The following YTHDC1 variants were observed in gnomAD, a reference collection of about 807,000 sequenced individuals.
YTHDC1 encodes YTH domain-containing protein 1.
In YTHDC1, 12 loss-of-function variants were observed where a neutral mutation model predicts 107.0. The observed-to-expected ratio is 0.11, with a 90% CI of 0.07 to 0.18. The LOEUF is 0.18. Among genes scored for constraint, YTHDC1 ranks in the 10% least tolerant of loss-of-function variants. YTHDC1 has a pLI of 1.00. For synonymous variants in YTHDC1, 280 were observed against 289.5 expected (o/e 0.97, Z 0.33); for missense variants, 635 against 898.8 (o/e 0.71, Z 3.75).
Position 68,312,120 on chromosome 4 carries a change from C to T in YTHDC1, c.*1979G>A, listed in dbSNP as rs974086405. The T allele has an allele frequency of 1.3e-5, 2 of 152,168 alleles. No homozygotes were observed. The highest frequency in any genetic ancestry group is 4.8e-5 in the African/African-American group (2 of 41,440). The allele number at this position is 152,168 out of a possible 1,614,324, so 9.4% of individuals were successfully genotyped here. On this transcript the variant is annotated 3_prime_UTR_variant, in exon 17 of 17. Coordinates refer to ENST00000344157, the MANE Select transcript of YTHDC1 (RefSeq NM_001031732.4). ...TGGGCGACAGACTCCATCTCCAAAA[C>T]ATTTATTAATTTATATACTGTTTTT...
At position 68,337,256 on chromosome 4, in the gene YTHDC1, ATCT is replaced by A. The variant is rs762100570; in HGVS notation, c.651_653del (p.Glu217del). 55 of 1,598,884 alleles carry A rather than the reference ATCT, an allele frequency of 3.4e-5. No homozygotes were observed. The highest frequency in any genetic ancestry group is 3.3e-4 in the Middle Eastern group (2 of 6,062). On this transcript the variant is annotated inframe_deletion, in exon 4 of 17. Transcript: ENST00000344157. Reference sequence around the variant, plus strand: ...CATCCACCTCTTCATCTTCTTCTGCATCTTCTTCTACTTCTTCATCTTCCTCCA... The same window carrying A: ...CATCCACCTCTTCATCTTCTTCTGCATCTTCTACTTCTTCATCTTCCTCCA...
At position 68,337,289 on chromosome 4, in the gene YTHDC1, T is replaced by A; in HGVS notation, c.621A>T (p.Glu207Asp). The A allele has an allele frequency of 6.2e-7, 1 of 1,613,376 alleles. No individual in the cohort carries two copies. The highest frequency in any genetic ancestry group is 2.2e-5 in the East Asian group (1 of 44,866). ...CTACTTCTTCATCTTCCTCCACATC[T>A]TCTTCCACTCCTTCCTCCTCATTCT... The part of the protein sequence containing the change: ...NTENEEEGVE[E>D]DVEEDEEVEE... Residue 207 changes from glutamate to aspartate, a missense_variant, in exon 4 of 17, where the codon GAA becomes GAT. Physicochemically the swap from Glu to Asp is conservative, Grantham distance 45. Coordinates refer to ENST00000344157, the MANE Select transcript of YTHDC1 (RefSeq NM_001031732.4).
At chr4:68,327,810 AT>A (rs1382580548) in intron 9 of YTHDC1, among the ~76,000 whole-genome samples, 1 of 152,194 alleles carries the variant, frequency 6.6e-6, no homozygotes, top group Non-Finnish European at 1.5e-5. Flanking sequence ...ATCTAAGGAA[AT>A]ATCAATGTTA....
chr4:68,341,642 T>C (rs1724813140), intron 1 of YTHDC1, among the ~76,000 whole-genome samples: 1 of 151,998 alleles, frequency 6.6e-6, no homozygotes, highest in South Asian at 2.1e-4. Flanking sequence ...ACAAAGTCTA[T>C]TTGGCCCTTT....
chr4:68,313,942 A>C lies in YTHDC1; in HGVS notation c.*157T>G. The C allele has an allele frequency of 1.3e-6, 1 of 780,802 alleles. No homozygotes were observed. The highest frequency in any genetic ancestry group is 2.1e-6 in the Non-Finnish European group (1 of 485,968). 48.4% of individuals were successfully genotyped at this position (780,802 alleles called of 1,614,324 possible). The stretch of plus-strand genomic sequence containing the variant: ...TTTGAGTTTTTCCAGTTCTTATGAT[A>C]CTGCATGCTTGGAACAAAGGGGGTC... On this transcript the variant is annotated 3_prime_UTR_variant, in exon 17 of 17. Transcript: ENST00000344157.
chr4:68,342,999 C>A (rs938927315), intron 1 of YTHDC1, among the ~76,000 whole-genome samples: 8 of 152,032 alleles, frequency 5.3e-5, no homozygotes, highest in Non-Finnish European at 1.2e-4. Context: ...TCAATTACTT[C>A]ATAATAGTTT....
chr4:68,329,074 C>A (rs1283610374), intron 9 of YTHDC1, among the ~76,000 whole-genome samples: 1 of 152,076 alleles, frequency 6.6e-6, no homozygotes, highest in Non-Finnish European at 1.5e-5. Context: ...TATATCACTC[C>A]CTCTATCTTC....
intron 1 of YTHDC1, among the ~76,000 whole-genome samples, chr4:68,338,865 C>CAA (rs1724513730): frequency 6.6e-6 from 1 of 152,170 alleles, no homozygotes; most frequent in Non-Finnish European, 1.5e-5. Flanking sequence ...CACACACACA[C>CAA]AAACAGAAGT....
At chr4:68,334,760 G>A (rs377634213) in intron 4 of YTHDC1, among the ~76,000 whole-genome samples, 2 of 151,964 alleles carry the variant, frequency 1.3e-5, no homozygotes, top group African/African-American at 4.8e-5. Flanking sequence ...GCAGTTGCTC[G>A]TGCCTGTAAT....
intron 15 of YTHDC1, among the ~76,000 whole-genome samples, chr4:68,316,962 G>C (rs148868001): frequency 2.1e-3 from 319 of 152,306 alleles, no homozygotes; most frequent in African/African-American, 7.1e-3. Flanking sequence ...GCCTGGTGTG[G>C]TGGCTCACGC....
Position 68,346,099 on chromosome 4 carries a change from A to ATATATATATATATG in YTHDC1, c.28+3626_28+3627insCATATATATATATA, listed in dbSNP as rs961023477. 6.2e-3 allele frequency among the ~76,000 whole-genome samples: 874 copies of ATATATATATATATG among 141,422 alleles called. 11 individuals carry two copies. The highest frequency in any genetic ancestry group is 0.023 in the African/African-American group (838 of 36,768). 92.8% of individuals were successfully genotyped at this position (141,422 alleles called of 152,430 possible). A position where few individuals can be genotyped will look rare whatever the true frequency, so the allele number is the denominator to read the frequency against. ...TGTACATATATATATATATATATATATACACACACACCTGCATGTAACCGT... is the reference window on the plus strand; with the variant it reads ...TGTACATATATATATATATATATATATATATATATATATGTACACACACACCTGCATGTAACCGT... On this transcript the variant is annotated intron_variant, in intron 1 of 16. Transcript: ENST00000344157.
intron 1 of YTHDC1, among the ~76,000 whole-genome samples, chr4:68,345,569 C>T (rs966505577): frequency 7.4e-6 from 1 of 134,470 alleles, no homozygotes; most frequent in African/African-American, 2.8e-5. Context: ...AGTTTAAAAA[C>T]TTGGATTTCC....
chr4:68,338,460 G>A, intron 1 of YTHDC1, 76 bp from the exon 2 acceptor site: 1 of 1,049,036 alleles, frequency 9.5e-7, no homozygotes, highest in Non-Finnish European at 1.4e-6. Flanking sequence ...TACTAAGTGT[G>A]AGGCCACAAG....
chr4:68,314,063 T>C lies in YTHDC1; in HGVS notation c.*36A>G, dbSNP rs538932785. On this transcript the variant is annotated 3_prime_UTR_variant, in exon 17 of 17. Coordinates refer to ENST00000344157, the MANE Select transcript of YTHDC1 (RefSeq NM_001031732.4). Reference sequence around the variant, plus strand: ...ACACAAAAAAAAAATACAAGATTTTTTGTATCTTTAAACAATCAGTGCTTC... The same window carrying C: ...ACACAAAAAAAAAATACAAGATTTTCTGTATCTTTAAACAATCAGTGCTTC... The C allele has an allele frequency of 7.6e-6, 12 of 1,586,918 alleles. No homozygotes were observed. In the South Asian group the frequency reaches 1.4e-4, roughly 18 times the overall value.
chr4:68,337,928 A>AAAG (rs964845210), intron 2 of YTHDC1, 28 bp from the exon 3 acceptor site: 1 of 1,582,000 alleles, frequency 6.3e-7, no homozygotes, highest in Non-Finnish European at 8.5e-7. Flanking sequence ...AAAAAAAAAA[A>AAAG]AAGAAGTATT....
intron 9 of YTHDC1, 106 bp downstream of exon 9, chr4:68,329,896 G>T: frequency 1.3e-6 from 1 of 788,914 alleles, no homozygotes; most frequent in Non-Finnish European, 2.1e-6. Flanking sequence ...GGTAGTTACT[G>T]AACAAGGTAA....
intron 1 of YTHDC1, among the ~76,000 whole-genome samples, chr4:68,346,353 A>G (rs1725442454): frequency 1.3e-5 from 2 of 152,026 alleles, no homozygotes; most frequent in South Asian, 4.1e-4. Context: ...TGACTGCTCC[A>G]CTGCACTCCA....
chr4:68,332,922 C>A (rs1026675824), intron 5 of YTHDC1, 75 bp from the exon 6 acceptor site: 5 of 1,288,346 alleles, frequency 3.9e-6, no homozygotes, highest in Non-Finnish European at 4.4e-6. Context: ...AGTCTTGTCA[C>A]ATAAAATTCT....
Position 68,313,055 on chromosome 4 carries a change from A to G in YTHDC1, c.*1044T>C, listed in dbSNP as rs541033623. On this transcript the variant is annotated 3_prime_UTR_variant, in exon 17 of 17. Transcript: ENST00000344157. ...AAAACAACAAATAGAAAACCTAAAT[A>G]AACGATTCTGTGATCAGAGTAGACT... The G allele has an allele frequency of 6.6e-6, 1 of 152,354 alleles. No homozygotes were observed. The highest frequency in any genetic ancestry group is 2.1e-4 in the South Asian group (1 of 4,830). The allele number at this position is 152,354 out of a possible 1,614,324, so 9.4% of individuals were successfully genotyped here. A position where few individuals can be genotyped will look rare whatever the true frequency, so the allele number is the denominator to read the frequency against.
Sources: allele counts gnomAD v4.1 joint callset (sites outside exome capture counted in the v4.1 genomes callset), GRCh38; gene constraint gnomAD v4.1.1; transcripts MANE v1.5; gene names NCBI Gene and HGNC (gene_info 2026-07-23, HGNC 2026-07-21).